Variants in TTC39B observed in about 807,000 individuals in gnomAD.
TTC39B encodes tetratricopeptide repeat protein 39B.
TTC39B carries 92 observed loss-of-function variants against 96.6 expected under a neutral mutation model. That is an observed-to-expected ratio of 0.95 (90% CI 0.80 to 1.13). The LOEUF is 1.13. TTC39B is among the 50% of genes most tolerant of loss of function. The pLI, the probability that TTC39B is intolerant of heterozygous loss-of-function variation, is 0.00. For missense variants in TTC39B, 955 were observed against 809.3 expected (o/e 1.18, Z -2.18); for synonymous variants, 367 against 299.4 (o/e 1.23, Z -2.33).
At position 15,247,628 on chromosome 9, in the gene TTC39B, C is replaced by A. The variant is rs1007790916; in HGVS notation, c.275+20286G>T. Among the ~76,000 whole-genome samples the A allele has an allele frequency of 2.0e-5, 3 of 152,154 alleles. No homozygotes were observed. In the South Asian group the frequency reaches 6.2e-4, roughly 31 times the overall value. On this transcript the variant is annotated intron_variant, in intron 2 of 19. Coordinates refer to ENST00000512701, the Ensembl canonical transcript of TTC39B. ...CATGTTTTCCACGTTCCTTAACTGG[C>A]CTGCCACTGAAGCATAATCTGCCCA... is the stretch of plus-strand genomic sequence containing the variant.
At chr9:15,292,434 G>C (rs1475463742) in intron 1 of TTC39B, among the ~76,000 whole-genome samples, 1 of 152,188 alleles carries the variant, frequency 6.6e-6, no homozygotes, top group East Asian at 1.9e-4. Context: ...ATTATGTATA[G>C]TACAGAACAA....
chr9:15,229,251 G>T (rs1821295353), intron 2 of TTC39B, among the ~76,000 whole-genome samples: 1 of 152,158 alleles, frequency 6.6e-6, no homozygotes, highest in Non-Finnish European at 1.5e-5. Flanking sequence ...GGATAAGCAA[G>T]AAATAACTCA....
intron 2 of TTC39B, among the ~76,000 whole-genome samples, chr9:15,226,732 C>A (rs537933550): frequency 6.6e-6 from 1 of 152,156 alleles, no homozygotes; most frequent in Non-Finnish European, 1.5e-5. Flanking sequence ...ATTTGCCTTG[C>A]AGAATCTTCG....
intron 3 of TTC39B, among the ~76,000 whole-genome samples, chr9:15,216,633 A>G (rs1820534534): frequency 6.6e-6 from 1 of 152,204 alleles, no homozygotes; most frequent in Non-Finnish European, 1.5e-5. Flanking sequence ...TCTACCGTCC[A>G]GTCCAGGTTG....
intron 1 of TTC39B, among the ~76,000 whole-genome samples, chr9:15,293,138 C>T (rs1824248215): frequency 6.6e-6 from 1 of 152,238 alleles, no homozygotes; most frequent in East Asian, 1.9e-4. Context: ...TGTTTAGATA[C>T]ACAAATACCA....
intron 9 of TTC39B, 69 bp downstream of exon 9, chr9:15,192,521 G>C: frequency 8.2e-7 from 1 of 1,226,788 alleles, no homozygotes; most frequent in Non-Finnish European, 1.2e-6. Flanking sequence ...TTCAAATGCA[G>C]TGGAGAAGGC....
At chr9:15,179,956 T>C (rs996880440) in intron 17 of TTC39B, among the ~76,000 whole-genome samples, 4 of 152,360 alleles carry the variant, frequency 2.6e-5, no homozygotes, top group South Asian at 4.1e-4. Flanking sequence ...ATCTAGCAGA[T>C]GATTATTTTC....
At chr9:15,172,238 G>A (rs960345619) in intron 19 of TTC39B, 129 bp from the exon 20 acceptor site, 3 of 511,050 alleles carry the variant, frequency 5.9e-6, no homozygotes, top group Non-Finnish European at 6.5e-6. Context: ...GTAGATCTTA[G>A]TAAAATGCAG....
intron 2 of TTC39B, among the ~76,000 whole-genome samples, chr9:15,236,031 TA>T (rs1257504022): frequency 2.0e-5 from 3 of 151,952 alleles, no homozygotes; most frequent in African/African-American, 7.2e-5. Flanking sequence ...ACTAGTTTTT[TA>T]AAAAAAATAC....
intron 2 of TTC39B, among the ~76,000 whole-genome samples, chr9:15,232,894 G>A (rs541069199): frequency 5.8e-4 from 88 of 152,300 alleles, no homozygotes; most frequent in African/African-American, 2.1e-3. Context: ...GCTGCTGCAG[G>A]GCCAGTGGTG....
chr9:15,196,518 CA>C, intron 8 of TTC39B, among the ~76,000 whole-genome samples: 1 of 152,280 alleles, frequency 6.6e-6, no homozygotes, highest in South Asian at 2.1e-4. Context: ...AAAGTAACTA[CA>C]GAGGTGTTAG....
chr9:15,221,060 G>A (rs186846625), intron 3 of TTC39B, among the ~76,000 whole-genome samples: 67 of 152,278 alleles, frequency 4.4e-4, no homozygotes, highest in Non-Finnish European at 5.1e-4. Flanking sequence ...TAGCTAGGGT[G>A]GTGTCTACTG....
chr9:15,273,434 G>A (rs533889762), intron 1 of TTC39B, among the ~76,000 whole-genome samples: 11 of 152,184 alleles, frequency 7.2e-5, no homozygotes, highest in South Asian at 4.2e-4. Flanking sequence ...AAGCTGTATC[G>A]CTTCTCTAGA....
At chr9:15,183,281 A>G (rs148554898) in intron 16 of TTC39B, 123 of 402,630 alleles carry the variant, frequency 3.1e-4, no homozygotes, top group African/African-American at 2.4e-3. Context: ...TCTACCTTCA[A>G]TTTTACATGT....
chr9:15,263,466 T>C (rs1372690154), intron 2 of TTC39B, among the ~76,000 whole-genome samples: 3 of 152,190 alleles, frequency 2.0e-5, no homozygotes, highest in Non-Finnish European at 4.4e-5. Context: ...CCCAGGAAGA[T>C]ACATGTAGTT....
At chr9:15,305,260 TC>T (rs1824719843) in intron 1 of TTC39B, among the ~76,000 whole-genome samples, 2 of 152,118 alleles carry the variant, frequency 1.3e-5, no homozygotes, top group African/African-American at 4.8e-5. Context: ...AGGTCATATC[TC>T]CCTAATCAGA....
At chr9:15,293,721 T>C (rs1053247894) in intron 1 of TTC39B, among the ~76,000 whole-genome samples, 1 of 152,230 alleles carries the variant, frequency 6.6e-6, no homozygotes, top group Non-Finnish European at 1.5e-5. Flanking sequence ...AGCCTAAAGC[T>C]GCCTCCTTAC....
At chr9:15,244,492 G>A (rs1288921034) in intron 2 of TTC39B, among the ~76,000 whole-genome samples, 2 of 152,230 alleles carry the variant, frequency 1.3e-5, no homozygotes, top group African/African-American at 2.4e-5. Flanking sequence ...GAGATACCAC[G>A]AGGAAAGAAC....
chr9:15,216,516 G>C (rs970586601), intron 3 of TTC39B, among the ~76,000 whole-genome samples: 4 of 152,094 alleles, frequency 2.6e-5, no homozygotes, highest in Admixed American at 6.5e-5. Flanking sequence ...AACCTCTCAC[G>C]GCAAGATTTT....
Sources: gnomAD v4.1 joint callset for allele counts (sites outside exome capture counted in the v4.1 genomes callset) on GRCh38, gnomAD v4.1.1 for gene constraint, MANE v1.5 for transcripts, NCBI Gene and HGNC (gene_info 2026-07-23, HGNC 2026-07-21) for gene names.